The following ANO6 variants were observed in gnomAD, a reference collection of about 807,000 sequenced individuals.
The protein encoded by ANO6 is anoctamin 6.
Under a neutral mutation model 117.5 loss-of-function variants are expected in ANO6, and 106 were observed. The ratio of observed to expected loss-of-function variants is 0.90; its 90% CI spans 0.77 to 1.06. ANO6 has a LOEUF of 1.06. Ranked by LOEUF, ANO6 falls within the 50% of genes least tolerant of loss-of-function variation. The pLI is 0.00. For synonymous variants in ANO6, 367 were observed against 385.1 expected, an observed-to-expected ratio of 0.95 and a Z score of 0.55; for missense variants, 955 against 1,121.1, an observed-to-expected ratio of 0.85 and a Z score of 2.12.
intron 9 of ANO6, among the ~76,000 whole-genome samples, chr12:45,376,075 T>A (rs1254084940): frequency 1.3e-5 from 2 of 151,076 alleles, no homozygotes; most frequent in African/African-American, 4.9e-5. Context: ...AGAAGACATT[T>A]ATGCAGCCAA....
chr12:45,355,878 G>A (rs1018287958), intron 7 of ANO6, among the ~76,000 whole-genome samples: 2 of 152,114 alleles, frequency 1.3e-5, no homozygotes, highest in African/African-American at 4.8e-5. Context: ...AAGTCCCCAC[G>A]AGGCTAAGAC....
At chr12:45,418,968 G>A (rs376073230) in intron 17 of ANO6, among the ~76,000 whole-genome samples, 1 of 152,184 alleles carries the variant, frequency 6.6e-6, no homozygotes, top group Non-Finnish European at 1.5e-5. Context: ...AGCATTAAAT[G>A]TGTGTCTTAT....
At chr12:45,232,677 A>G (rs906204886) in intron 1 of ANO6, among the ~76,000 whole-genome samples, 4 of 152,146 alleles carry the variant, frequency 2.6e-5, no homozygotes, top group Non-Finnish European at 5.9e-5. Context: ...CACCATGCAG[A>G]GGTTTTGTTT....
intron 1 of ANO6, among the ~76,000 whole-genome samples, chr12:45,253,791 A>G (rs1165782906): frequency 6.6e-6 from 1 of 152,218 alleles, no homozygotes; most frequent in Non-Finnish European, 1.5e-5. Context: ...ACTAACCCCT[A>G]TAATGAGGCT....
chr12:45,352,860 C>T (rs1340760937), intron 7 of ANO6, among the ~76,000 whole-genome samples: 1 of 152,106 alleles, frequency 6.6e-6, no homozygotes, highest in Non-Finnish European at 1.5e-5. Context: ...GCAGTTAATA[C>T]AATCTCTCAA....
intron 2 of ANO6, among the ~76,000 whole-genome samples, chr12:45,322,730 T>G (rs932940874): frequency 3.3e-5 from 5 of 152,040 alleles, no homozygotes; most frequent in Non-Finnish European, 7.4e-5. Flanking sequence ...GCCTCAGAGG[T>G]AGAGGCAATA....
At chr12:45,381,500 A>G (rs1240975421) in intron 10 of ANO6, among the ~76,000 whole-genome samples, 1 of 152,198 alleles carries the variant, frequency 6.6e-6, no homozygotes, top group Non-Finnish European at 1.5e-5. Context: ...TCTGGGACAC[A>G]CAGCATTGTG....
In ANO6 at chr12:45,378,111, G is replaced by A; in HGVS notation, c.1163G>A (p.Trp388Ter). Residue 388 changes from tryptophan to a stop codon, truncating the protein, a stop_gained and splice_region_variant, in exon 10 of 20, where the codon TGG (tryptophan) becomes TAG (stop). Transcript: ENST00000320560. LOFTEE classifies it high-confidence loss of function. ...GTCTTTGCAGTATTTATGGGAGTAT[G>A]GGGTAAGTTTTTTTTTTTTTTTTCA... is the stretch of plus-strand genomic sequence containing the variant. ...TLVFAVFMGV[W>*]VTLFLEFWKR... is the part of the protein sequence containing the mutation. 1 of 1,606,226 alleles carries A rather than the reference G, an allele frequency of 6.2e-7. No homozygotes were observed. The highest frequency in any genetic ancestry group is 8.5e-7 in the Non-Finnish European group (1 of 1,177,916).
chr12:45,325,401 A>C (rs568904100), intron 2 of ANO6, among the ~76,000 whole-genome samples: 1 of 152,322 alleles, frequency 6.6e-6, no homozygotes, highest in East Asian at 1.9e-4. Context: ...TGGATATTAA[A>C]GCAAGATGCC....
intron 19 of ANO6, among the ~76,000 whole-genome samples, chr12:45,426,583 A>C (rs1943509105): frequency 1.3e-5 from 2 of 152,168 alleles, no homozygotes; most frequent in Middle Eastern, 3.4e-3. Context: ...CACCTGACTT[A>C]GCAACATTTG....
At position 45,292,905 on chromosome 12, in the gene ANO6, T is replaced by C. The variant is rs976863242; in HGVS notation, c.71-9109T>C. The C allele has an allele frequency of 1.9e-6, 3 of 1,551,248 alleles. No homozygotes were observed. The African/African-American group carries it at 4.1e-5, about 21-fold the overall frequency. Reference sequence around the variant, plus strand: ...TCACCGAATTGTCCATTCCCCCTTTTGTTCTGCTGTGGAATGTTTTGTGCT... The same window carrying C: ...TCACCGAATTGTCCATTCCCCCTTTCGTTCTGCTGTGGAATGTTTTGTGCT... On this transcript the variant is annotated intron_variant, in intron 1 of 19. Transcript: ENST00000320560.
intron 3 of ANO6, among the ~76,000 whole-genome samples, chr12:45,338,128 T>TA (rs1192324379): frequency 1.3e-5 from 2 of 152,104 alleles, no homozygotes; most frequent in African/African-American, 2.4e-5. Flanking sequence ...TCTCAACTTC[T>TA]TAGTTGCCAA....
chr12:45,380,913 G>C (rs1437536321), intron 10 of ANO6, among the ~76,000 whole-genome samples: 1 of 150,654 alleles, frequency 6.6e-6, no homozygotes, highest in African/African-American at 2.4e-5. Context: ...TTTGCAGTGA[G>C]CCGAGATCAC....
chr12:45,318,756 G>T (rs1940142968), intron 2 of ANO6, among the ~76,000 whole-genome samples: 1 of 152,150 alleles, frequency 6.6e-6, no homozygotes, highest in African/African-American at 2.4e-5. Context: ...CTACCCATGA[G>T]CATGGAATGT....
rs1053329505 is a variant in ANO6, at chr12:45,335,790, G to A, written c.279+4367G>A. 7.2e-5 allele frequency among the ~76,000 whole-genome samples: 11 copies of A among 151,900 alleles called. No homozygotes were observed. The South Asian group carries it at 8.3e-4, about 11-fold the overall frequency. On this transcript the variant is annotated intron_variant, in intron 3 of 19. Transcript: ENST00000320560. ...ATTACTGAAAATTTTTGTTGCTATT[G>A]TCAGAGGCATTTTAAATGCAGTTAT...
chr12:45,402,361 A>G (rs1445079199), intron 13 of ANO6, among the ~76,000 whole-genome samples: 1 of 152,168 alleles, frequency 6.6e-6, no homozygotes, highest in African/African-American at 2.4e-5. Context: ...TCCGGTGGCA[A>G]ATATGTTCCT....
intron 2 of ANO6, among the ~76,000 whole-genome samples, chr12:45,316,461 G>A (rs1940029978): frequency 6.6e-6 from 1 of 152,042 alleles, no homozygotes; most frequent in African/African-American, 2.4e-5. Flanking sequence ...AACTGCATGT[G>A]CAAAGATAGG....
intron 8 of ANO6, among the ~76,000 whole-genome samples, chr12:45,362,275 G>A (rs1249136881): frequency 6.6e-6 from 1 of 151,858 alleles, no homozygotes; most frequent in Admixed American, 6.6e-5. Flanking sequence ...TAATTAGTTG[G>A]CTTATAATTA....
intron 1 of ANO6, among the ~76,000 whole-genome samples, chr12:45,238,365 G>A (rs1345801627): frequency 6.6e-6 from 1 of 151,920 alleles, no homozygotes; most frequent in African/African-American, 2.4e-5. Flanking sequence ...TGGCCAGGCT[G>A]GTCTCGAACT....
Sources: gnomAD v4.1 joint callset for allele counts (sites outside exome capture counted in the v4.1 genomes callset) on GRCh38, gnomAD v4.1.1 for gene constraint, MANE v1.5 for transcripts, NCBI Gene and HGNC (gene_info 2026-07-23, HGNC 2026-07-21) for gene names.